The following HHAT variants were observed in gnomAD, a reference collection of about 807,000 sequenced individuals.
The protein encoded by HHAT is protein-cysteine N-palmitoyltransferase HHAT.
HHAT carries 47 observed loss-of-function variants against 70.8 expected under a neutral mutation model. The observed-to-expected ratio is 0.66, with a 90% CI of 0.53 to 0.85. The LOEUF (loss-of-function observed/expected upper bound fraction) is 0.85, where lower values mean the gene tolerates loss of function less well. Among genes scored for constraint, HHAT ranks in the 40% least tolerant of loss-of-function variants. The pLI, the probability that HHAT is intolerant of heterozygous loss-of-function variation, is 0.00. For missense variants in HHAT, 609 were observed against 604.8 expected (o/e 1.01, Z -0.07); for synonymous variants, 228 against 247.6 (o/e 0.92, Z 0.74).
intron 8 of HHAT, among the ~76,000 whole-genome samples, chr1:210,507,801 T>A (rs1391646544): frequency 6.6e-6 from 1 of 152,136 alleles, no homozygotes; most frequent in East Asian, 1.9e-4. Context: ...ATACTATACA[T>A]TTCAAAATCA....
intron 9 of HHAT, among the ~76,000 whole-genome samples, chr1:210,585,460 T>C (rs886357807): frequency 2.0e-5 from 3 of 152,166 alleles, no homozygotes; most frequent in Admixed American, 6.5e-5. Flanking sequence ...TCACCCAGGC[T>C]GGAGTGCAGT....
chr1:210,414,034 A>C (rs2092643099), intron 6 of HHAT, among the ~76,000 whole-genome samples: 1 of 152,198 alleles, frequency 6.6e-6, no homozygotes, highest in African/African-American at 2.4e-5. Flanking sequence ...CTGTAACAAA[A>C]TACTATAAAC....
chr1:210,613,792 A>C lies in HHAT; in HGVS notation c.1246-9734A>C, dbSNP rs551454409. On this transcript the variant is annotated intron_variant, in intron 10 of 11. Transcript: ENST00000261458. ...CAGCACTTTGTGAGGCTGAGGTGGG[A>C]GGATCACTTGAGCCCAGGAGTTTGA... is the stretch of plus-strand genomic sequence containing the variant. Among the ~76,000 whole-genome samples, 13 of 152,230 alleles carry C rather than the reference A, an allele frequency of 8.5e-5. No homozygotes were observed. In the South Asian group the frequency reaches 2.7e-3, roughly 32 times the overall value.
intron 11 of HHAT, chr1:210,631,187 A>G (rs1411133494): frequency 2.7e-5 from 12 of 446,600 alleles, no homozygotes; most frequent in South Asian, 1.9e-4. Context: ...GTGAGATTAT[A>G]AGCCCTTTGA....
intron 9 of HHAT, among the ~76,000 whole-genome samples, chr1:210,550,033 A>G (rs1461945826): frequency 6.7e-6 from 1 of 149,036 alleles, no homozygotes; most frequent in Non-Finnish European, 1.5e-5. Flanking sequence ...CTCCCCAGGC[A>G]CTGTGCCGAT....
chr1:210,531,737 C>T (rs1215759486), intron 9 of HHAT, among the ~76,000 whole-genome samples: 3 of 152,184 alleles, frequency 2.0e-5, no homozygotes, highest in African/African-American at 4.8e-5. Context: ...ATGCCTCTCA[C>T]AGGGTCTAAA....
At chr1:210,490,754 C>A (rs1347738244) in intron 8 of HHAT, among the ~76,000 whole-genome samples, 2 of 152,114 alleles carry the variant, frequency 1.3e-5, no homozygotes, top group Admixed American at 1.3e-4. Flanking sequence ...GGTGTCATGT[C>A]TTACTTTTTG....
At chr1:210,651,704 C>G (rs1156943598) in intron 11 of HHAT, among the ~76,000 whole-genome samples, 1 of 152,190 alleles carries the variant, frequency 6.6e-6, no homozygotes, top group Non-Finnish European at 1.5e-5. Context: ...GAAGGAAGTT[C>G]AGTTGTCCTC....
In HHAT at chr1:210,402,577, T is replaced by C. The variant is rs534115948; in HGVS notation, c.469-1887T>C. 7.2e-5 allele frequency among the ~76,000 whole-genome samples: 11 copies of C among 152,330 alleles called. No individual in the cohort carries two copies. The South Asian group carries it at 2.3e-3, about 32-fold the overall frequency. ...AAACAGATCAGTTAGTGTCCGATAC[T>C]GCTCTGAGAGCTGCTGGCTCTTACA... is the stretch of plus-strand genomic sequence containing the variant. On this transcript the variant is annotated intron_variant, in intron 5 of 11. Coordinates refer to ENST00000261458, the MANE Select transcript of HHAT (RefSeq NM_018194.6).
rs577934314 is a variant in HHAT, at chr1:210,381,501, G to A, written c.160-5967G>A. 4.6e-5 allele frequency among the ~76,000 whole-genome samples: 7 copies of A among 152,166 alleles called. No homozygotes were observed. The South Asian group carries it at 8.3e-4, about 18-fold the overall frequency. On this transcript the variant is annotated intron_variant, in intron 3 of 11. Transcript: ENST00000261458. ...TCACCATGTTGGCCAGGCTGGTCTC[G>A]AGCTCCTGGCCTCAAGCTATCCACC...
At chr1:210,410,323 T>C (rs1454538957) in intron 6 of HHAT, among the ~76,000 whole-genome samples, 1 of 151,868 alleles carries the variant, frequency 6.6e-6, no homozygotes, top group Non-Finnish European at 1.5e-5. Context: ...CCCAAAGTGC[T>C]GGGATTGCAG....
Position 210,336,287 on chromosome 1 carries a change from A to ATTTTTTTTTT in HHAT, c.-44+7197_-44+7206dup, listed in dbSNP as rs541795412. On this transcript the variant is annotated intron_variant, in intron 1 of 11. Transcript: ENST00000261458. ...AGGCATGCACCACTGTGCCTGGCTAATTTTTTTTTTTTTTTTTTTTTTTAG... is the reference window on the plus strand; with the variant it reads ...AGGCATGCACCACTGTGCCTGGCTAATTTTTTTTTTTTTTTTTTTTTTTTTTTTTTTTTAG... Among the ~76,000 whole-genome samples the ATTTTTTTTTT allele has an allele frequency of 3.3e-3, 279 of 84,590 alleles. 30 individuals are homozygous for ATTTTTTTTTT. The highest frequency in any genetic ancestry group is 0.011 in the African/African-American group (239 of 22,088). 55.5% of individuals were successfully genotyped at this position (84,590 alleles called of 152,430 possible).
chr1:210,649,475 G>A (rs1674694303), intron 11 of HHAT, among the ~76,000 whole-genome samples: 1 of 152,250 alleles, frequency 6.6e-6, no homozygotes, highest in Non-Finnish European at 1.5e-5. Flanking sequence ...GTGATTGGTA[G>A]TGTTGGGACC....
rs11807426 is a variant in HHAT at position 210,430,455 on chromosome 1, T to C, written c.856+12130T>C. On this transcript the variant is annotated intron_variant, in intron 7 of 11. Transcript: ENST00000261458. Reference sequence around the variant, plus strand: ...TTATAAAAACATGAGTTTTATAAAATGTGAGTTCATACTGAGATTTTAAAT... The same window carrying C: ...TTATAAAAACATGAGTTTTATAAAACGTGAGTTCATACTGAGATTTTAAAT... Among the ~76,000 whole-genome samples the C allele has an allele frequency of 7.0e-3, 1,067 of 151,858 alleles. 37 individuals carry two copies. Among genetic ancestry groups the C allele is most frequent in the African/African-American group, 0.024 (981 of 41,120 alleles).
chr1:210,618,789 C>A (rs1280210135), intron 10 of HHAT, among the ~76,000 whole-genome samples: 3 of 152,168 alleles, frequency 2.0e-5, no homozygotes, highest in Non-Finnish European at 2.9e-5. Context: ...CCTGTGATTT[C>A]CAGGGAAAGG....
intron 9 of HHAT, among the ~76,000 whole-genome samples, chr1:210,535,480 T>C (rs896027293): frequency 1.3e-5 from 2 of 151,620 alleles, no homozygotes; most frequent in Admixed American, 1.3e-4. Flanking sequence ...AAATAATCTG[T>C]CTTTCATAGT....
chr1:210,487,330 T>A (rs1405189280), intron 8 of HHAT, among the ~76,000 whole-genome samples: 1 of 147,132 alleles, frequency 6.8e-6, no homozygotes, highest in Non-Finnish European at 1.5e-5. Context: ...GGTTTTTTTT[T>A]AGCTATGGAA....
intron 8 of HHAT, among the ~76,000 whole-genome samples, chr1:210,502,383 C>CAAAAAAAAAAAA (rs1177468677): frequency 4.4e-4 from 38 of 86,942 alleles, no homozygotes; most frequent in South Asian, 1.7e-3. Context: ...GACTCAGTCT[C>CAAAAAAAAAAAA]AAAAAAAAAA....
In HHAT at chr1:210,578,343, CAG is replaced by C. The variant is rs375537578; in HGVS notation, c.1044-9553_1044-9552del. Among the ~76,000 whole-genome samples the C allele has an allele frequency of 9.7e-4, 147 of 152,040 alleles. 1 individual carries two copies. The highest frequency in any genetic ancestry group is 5.4e-3 in the South Asian group (26 of 4,816). On this transcript the variant is annotated intron_variant, in intron 9 of 11. Transcript: ENST00000261458. ...ATTATTTTCTAGAAAAAAAAGATAA[CAG>C]ATGTTGGTGAGGATGTGGAAAAATA...
Sources: allele counts gnomAD v4.1 joint callset (sites outside exome capture counted in the v4.1 genomes callset), GRCh38; gene constraint gnomAD v4.1.1; transcripts MANE v1.5; gene names NCBI Gene and HGNC (gene_info 2026-07-23, HGNC 2026-07-21).